The following GBE1 variants were observed in gnomAD, a reference collection of about 807,000 sequenced individuals.
GBE1 encodes the protein 1,4-alpha-glucan branching enzyme 1.
GBE1 carries 70 observed loss-of-function variants against 88.8 expected under a neutral mutation model. The ratio of observed to expected loss-of-function variants is 0.79; its 90% CI spans 0.65 to 0.96. The LOEUF is 0.96. Ranked by LOEUF, GBE1 falls within the 40% of genes least tolerant of loss-of-function variation. The probability of loss-of-function intolerance (pLI) is 0.00; values close to 1 mark genes in which losing one functional copy is unlikely to be tolerated. For missense variants in GBE1, 872 were observed against 871.0 expected (o/e 1.00, Z -0.01); for synonymous variants, 284 against 300.1 (o/e 0.95, Z 0.56).
intron 14 of GBE1, among the ~76,000 whole-genome samples, chr3:81,526,369 A>G (rs1258310128): frequency 2.0e-5 from 3 of 151,132 alleles, no homozygotes; most frequent in Non-Finnish European, 3.0e-5. Context: ...AGTTCTGGCC[A>G]GGGCAATCAG....
At chr3:81,600,405 T>C (rs182822719) in intron 7 of GBE1, among the ~76,000 whole-genome samples, 7 of 152,328 alleles carry the variant, frequency 4.6e-5, no homozygotes, top group Admixed American at 6.5e-5. Flanking sequence ...TTTACTTATA[T>C]TTAGCCAGTT....
chr3:81,581,951 C>T (rs901678369), intron 10 of GBE1, among the ~76,000 whole-genome samples: 6 of 152,038 alleles, frequency 3.9e-5, no homozygotes, highest in African/African-American at 4.8e-5. Flanking sequence ...ATTGACACTG[C>T]TGATCCTATC....
At chr3:81,598,004 CAT>C (rs1345529196) in intron 7 of GBE1, among the ~76,000 whole-genome samples, 3 of 151,762 alleles carry the variant, frequency 2.0e-5, no homozygotes, top group South Asian at 2.1e-4. Context: ...TATAATGAAA[CAT>C]AGACAAATTT....
intron 1 of GBE1, among the ~76,000 whole-genome samples, chr3:81,745,693 A>G (rs1002175318): frequency 6.6e-6 from 1 of 152,150 alleles, no homozygotes; most frequent in East Asian, 1.9e-4. Flanking sequence ...AAAATATCTC[A>G]TCAGTAATCT....
intron 3 of GBE1, among the ~76,000 whole-genome samples, chr3:81,655,176 G>A (rs1314882308): frequency 1.3e-5 from 2 of 152,092 alleles, no homozygotes; most frequent in Admixed American, 1.3e-4. Flanking sequence ...CAATAAGACT[G>A]AAACACACAC....
chr3:81,590,208 G>C (rs929480095), intron 9 of GBE1, among the ~76,000 whole-genome samples: 1 of 151,958 alleles, frequency 6.6e-6, no homozygotes, highest in East Asian at 1.9e-4. Flanking sequence ...ACAGGAAGGA[G>C]ACTATTCCAT....
At chr3:81,590,974 G>A in intron 9 of GBE1, 63 bp downstream of exon 9, 1 of 1,405,038 alleles carries the variant, frequency 7.1e-7, no homozygotes, top group Non-Finnish European at 9.7e-7. Context: ...ATCAAATACT[G>A]TATGCTGACA....
intron 2 of GBE1, among the ~76,000 whole-genome samples, chr3:81,695,821 A>T (rs1693504730): frequency 6.6e-6 from 1 of 152,228 alleles, no homozygotes; most frequent in Admixed American, 6.5e-5. Context: ...GCTGAAAAAA[A>T]GTGTGGTATT....
chr3:81,749,233 A>G (rs1380734093), intron 1 of GBE1, among the ~76,000 whole-genome samples: 1 of 152,142 alleles, frequency 6.6e-6, no homozygotes, highest in African/African-American at 2.4e-5. Context: ...AACTGGATGG[A>G]TGGTACATCC....
intron 12 of GBE1, among the ~76,000 whole-genome samples, chr3:81,549,839 G>A (rs57623955): frequency 0.31 from 47,395 of 151,084 alleles, 8,977 homozygotes; most frequent in East Asian, 0.48. Flanking sequence ...TTTGTCTCTA[G>A]TAAAAATGGG....
At chr3:81,507,895 C>T (rs1481870600) in intron 14 of GBE1, among the ~76,000 whole-genome samples, 2 of 152,092 alleles carry the variant, frequency 1.3e-5, no homozygotes, top group African/African-American at 4.8e-5. Flanking sequence ...ATTTCTTCAA[C>T]AAAAGGTTTC....
chr3:81,642,879 A>G lies in GBE1; in HGVS notation c.894T>C (p.Asp298=), dbSNP rs2107059571. The G allele has an allele frequency of 1.2e-6, 2 of 1,612,702 alleles. No individual in the cohort carries two copies. The highest frequency in any genetic ancestry group is 2.2e-5 in the East Asian group (1 of 44,844). Reference sequence around the variant, plus strand: ...CTGTCCCATCAAACATATTCAATCCATCTGCTGAATTTTTTGAAGCATGGC... The same window carrying G: ...CTGTCCCATCAAACATATTCAATCCGTCTGCTGAATTTTTTGAAGCATGGC... ...VHSHASKNSA[D]GLNMFDGTDS... is the part of the protein sequence containing the mutation. Residue 298 remains aspartate, a synonymous_variant, in exon 7 of 16, where the codon GAT becomes GAC. Transcript: ENST00000429644.
At chr3:81,579,654 C>A (rs1162567455) in intron 11 of GBE1, among the ~76,000 whole-genome samples, 1 of 151,780 alleles carries the variant, frequency 6.6e-6, no homozygotes, top group African/African-American at 2.4e-5. Flanking sequence ...GTAAGAGTTT[C>A]CCCCTCCCCA....
intron 7 of GBE1, among the ~76,000 whole-genome samples, chr3:81,597,500 T>C (rs1394071720): frequency 6.8e-6 from 1 of 146,402 alleles, no homozygotes; most frequent in Non-Finnish European, 1.5e-5. Flanking sequence ...TATATATATA[T>C]ATATATCTCA....
chr3:81,686,367 G>A (rs1031854502), intron 2 of GBE1, among the ~76,000 whole-genome samples: 8 of 152,114 alleles, frequency 5.3e-5, no homozygotes, highest in African/African-American at 1.7e-4. Flanking sequence ...GTAAAATAGG[G>A]AATGCAGGTA....
At chr3:81,528,319 T>C (rs956108017) in intron 14 of GBE1, among the ~76,000 whole-genome samples, 1 of 151,970 alleles carries the variant, frequency 6.6e-6, no homozygotes. Flanking sequence ...GGCACATGTA[T>C]ACATATGTAA....
In GBE1 at chr3:81,625,589, C is replaced by T. The variant is rs547991173; in HGVS notation, c.992+17192G>A. 5.3e-5 allele frequency among the ~76,000 whole-genome samples: 8 copies of T among 152,158 alleles called. No homozygotes were observed. In the East Asian group the frequency reaches 7.8e-4, roughly 15 times the overall value. ...AGTATCAAAGACTGCAGGCATGCAC[C>T]ACTATGCCCAGGTAATTTCATTTTA... On this transcript the variant is annotated intron_variant, in intron 7 of 15. Transcript: ENST00000429644.
At chr3:81,705,860 A>G (rs1705768802) in intron 1 of GBE1, among the ~76,000 whole-genome samples, 2 of 152,176 alleles carry the variant, frequency 1.3e-5, no homozygotes, top group Non-Finnish European at 2.9e-5. Flanking sequence ...GAGAGGAAAT[A>G]TGATGGTTAT....
At chr3:81,625,376 C>T (rs1290701481) in intron 7 of GBE1, among the ~76,000 whole-genome samples, 1 of 151,996 alleles carries the variant, frequency 6.6e-6, no homozygotes, top group East Asian at 1.9e-4. Flanking sequence ...TTAGAAAGAA[C>T]ATAGAGACAA....
Sources: gnomAD v4.1 joint callset for allele counts (sites outside exome capture counted in the v4.1 genomes callset) on GRCh38, gnomAD v4.1.1 for gene constraint, MANE v1.5 for transcripts, NCBI Gene and HGNC (gene_info 2026-07-23, HGNC 2026-07-21) for gene names.